Variants in LCOR observed in about 807,000 individuals in gnomAD.
LCOR encodes ligand dependent nuclear receptor corepressor.
Under a neutral mutation model 64.4 loss-of-function variants are expected in LCOR, and 14 were observed. The observed-to-expected ratio is 0.22, with a 90% CI of 0.14 to 0.34. The LOEUF (loss-of-function observed/expected upper bound fraction) is 0.34, where lower values mean the gene tolerates loss of function less well. Among genes scored for constraint, LCOR ranks in the 10% least tolerant of loss-of-function variants. The pLI is 1.00. For missense variants in LCOR, 1,686 were observed against 1,765.3 expected, an observed-to-expected ratio of 0.96 and a Z score of 0.80; for synonymous variants, 643 against 642.5, an observed-to-expected ratio of 1.00 and a Z score of -0.01.
chr10:96,914,074 C>G (rs972030559), intron 4 of LCOR, among the ~76,000 whole-genome samples: 3 of 152,150 alleles, frequency 2.0e-5, no homozygotes, highest in African/African-American at 7.2e-5. Context: ...CCAGCTAGCT[C>G]AGGAGTCATG....
chr10:96,974,177 C>A (rs903805669), intron 7 of LCOR, among the ~76,000 whole-genome samples: 2 of 152,206 alleles, frequency 1.3e-5, no homozygotes, highest in African/African-American at 4.8e-5. Flanking sequence ...TTACCACACC[C>A]TTAACAATTG....
Position 96,982,195 on chromosome 10 carries a change from G to A in LCOR, c.1735G>A (p.Gly579Ser). ...GGAAATCACCTCTCACGAGGAAGGA[G>A]GTGGAGACGTTTCACCTCGAAAAGA... ...SKEITSHEEGGGDVSPRKEPQ... is the reference protein window; with the variant it reads ...SKEITSHEEGSGDVSPRKEPQ... The change falls in exon 8 of 8, where the codon GGT (glycine) becomes AGT (serine). Residue 579 changes from glycine to serine, a missense_variant. By Grantham distance (56) the Gly-to-Ser change is moderately conservative. This residue lies in a region of LCOR where 1,293 missense variants were observed against 1,410.4 expected (regional missense o/e 0.92). Transcript: ENST00000421806. 8.1e-6 allele frequency: 13 copies of A among 1,614,188 alleles called. No individual in the cohort carries two copies. Among genetic ancestry groups the A allele is most frequent in the Non-Finnish European group, 1.1e-5 (13 of 1,180,014 alleles).
At chr10:96,974,891 G>A (rs896146946) in intron 7 of LCOR, among the ~76,000 whole-genome samples, 1 of 152,142 alleles carries the variant, frequency 6.6e-6, no homozygotes, top group South Asian at 2.1e-4. Flanking sequence ...GCTATTGGCC[G>A]GGTGCTGTGG....
At chr10:96,839,032 G>T (rs918154006) in intron 2 of LCOR, among the ~76,000 whole-genome samples, 3 of 152,088 alleles carry the variant, frequency 2.0e-5, no homozygotes, top group Non-Finnish European at 4.4e-5. Context: ...TGGGTATGAA[G>T]TCGTATTTCA....
rs375717995 is a variant in LCOR, at chr10:96,993,836, T to C, written c.*8702T>C. 2 of 151,718 alleles carry C rather than the reference T, an allele frequency of 1.3e-5. No individual in the cohort carries two copies. The highest frequency in any genetic ancestry group is 1.9e-4 in the East Asian group (1 of 5,188). The allele number at this position is 151,718 out of a possible 1,614,324, so 9.4% of individuals were successfully genotyped here. A position where few individuals can be genotyped will look rare whatever the true frequency, so the allele number is the denominator to read the frequency against. ...CAGATCTGCAGAGCAGATTTCCAGA[T>C]GTTCTTTCTGATGTGTTGCCCATAA... On this transcript the variant is annotated 3_prime_UTR_variant, in exon 8 of 8. Transcript: ENST00000421806.
chr10:96,990,808 A>C lies in LCOR; in HGVS notation c.*5674A>C, dbSNP rs1489423082. ...GTGCTCAGGAGATGTCCTTTGCTCCATCCTTCAGAGGGGCAGTTGTGTAGT... is the reference window on the plus strand; with the variant it reads ...GTGCTCAGGAGATGTCCTTTGCTCCCTCCTTCAGAGGGGCAGTTGTGTAGT... On this transcript the variant is annotated 3_prime_UTR_variant, in exon 8 of 8. Coordinates refer to ENST00000421806, the MANE Select transcript of LCOR (RefSeq NM_001346516.2). 6 of 152,120 alleles carry C rather than the reference A, an allele frequency of 3.9e-5. No individual in the cohort carries two copies. Among genetic ancestry groups the C allele is most frequent in the African/African-American group, 1.4e-4 (6 of 41,404 alleles). The allele number at this position is 152,120 out of a possible 1,614,324, so 9.4% of individuals were successfully genotyped here.
chr10:96,952,255 A>G (rs1238562081), intron 7 of LCOR, 59 bp downstream of exon 7: 1 of 1,150,930 alleles, frequency 8.7e-7, no homozygotes, highest in Admixed American at 1.9e-5. Context: ...TCAAAGGTTG[A>G]TGCCAGTCTC....
At chr10:96,886,246 A>T (rs1012707834) in intron 2 of LCOR, among the ~76,000 whole-genome samples, 1 of 152,194 alleles carries the variant, frequency 6.6e-6, no homozygotes, top group Admixed American at 6.5e-5. Flanking sequence ...GAACTTTAGT[A>T]ATCAGTTCAT....
At chr10:96,936,943 A>G (rs561474750) in intron 4 of LCOR, among the ~76,000 whole-genome samples, 2 of 152,392 alleles carry the variant, frequency 1.3e-5, no homozygotes, top group East Asian at 1.9e-4. Flanking sequence ...ATATACTATA[A>G]CAAAAGTTAT....
intron 2 of LCOR, among the ~76,000 whole-genome samples, chr10:96,838,164 A>G (rs1845478800): frequency 6.6e-6 from 1 of 152,230 alleles, no homozygotes; most frequent in South Asian, 2.1e-4. Flanking sequence ...AGTGGTCCAT[A>G]CCTTGAATTT....
intron 2 of LCOR, among the ~76,000 whole-genome samples, chr10:96,868,533 G>A (rs145202931): frequency 0.034 from 5,134 of 149,528 alleles, 295 homozygotes; most frequent in African/African-American, 0.12. Context: ...CTCGGCCTCC[G>A]AAAGTGCTGG....
At chr10:96,882,894 G>C (rs1846285966) in intron 2 of LCOR, among the ~76,000 whole-genome samples, 1 of 152,064 alleles carries the variant, frequency 6.6e-6, no homozygotes, top group South Asian at 2.1e-4. Flanking sequence ...ATTACTCCAT[G>C]TCTCTTTATG....
At chr10:96,844,273 C>T (rs1158068306) in intron 2 of LCOR, among the ~76,000 whole-genome samples, 2 of 151,502 alleles carry the variant, frequency 1.3e-5, no homozygotes. Context: ...GCCTTAGCCT[C>T]CCTAGTAGCT....
chr10:96,957,742 A>G, intron 7 of LCOR: 1 of 985,418 alleles, frequency 1.0e-6, no homozygotes, highest in Non-Finnish European at 1.2e-6. Flanking sequence ...TGTGTGTTCA[A>G]AGGTTAGGCA....
intron 2 of LCOR, among the ~76,000 whole-genome samples, chr10:96,884,984 C>T (rs1846318839): frequency 6.6e-6 from 1 of 152,130 alleles, no homozygotes; most frequent in Non-Finnish European, 1.5e-5. Context: ...TATACGTGTG[C>T]ACTTATCACA....
At chr10:96,845,382 G>T (rs767404287) in intron 2 of LCOR, among the ~76,000 whole-genome samples, 8 of 142,776 alleles carry the variant, frequency 5.6e-5, no homozygotes, top group Non-Finnish European at 9.0e-5. Context: ...TGTGTGTTAG[G>T]TTATGTGAAT....
rs57814101 is a variant in LCOR, at chr10:96,865,874, C to CAAA, written c.-330+32412_-330+32414dup. 5.0e-3 allele frequency among the ~76,000 whole-genome samples: 446 copies of CAAA among 88,952 alleles called. 4 individuals are homozygous for CAAA. Among genetic ancestry groups the CAAA allele is most frequent in the African/African-American group, 0.014 (404 of 28,382 alleles). The allele number at this position is 88,952 out of a possible 152,430, so 58.4% of individuals were successfully genotyped here. A position where few individuals can be genotyped will look rare whatever the true frequency, so the allele number is the denominator to read the frequency against. On this transcript the variant is annotated intron_variant, in intron 2 of 7. Coordinates refer to ENST00000421806, the MANE Select transcript of LCOR (RefSeq NM_001346516.2). ...GGGCAACAAGAGCGAGACTCTGTCT[C>CAAA]AAAAAAAAAAAAAAAAAAAGGAAAA...
At chr10:96,912,181 G>A (rs538953331) in intron 4 of LCOR, among the ~76,000 whole-genome samples, 75 of 152,110 alleles carry the variant, frequency 4.9e-4, no homozygotes, top group African/African-American at 9.9e-4. Context: ...CAATCCACCC[G>A]CCTCGGCCTC....
At chr10:96,866,969 G>GT (rs1472931746) in intron 2 of LCOR, among the ~76,000 whole-genome samples, 1 of 151,956 alleles carries the variant, frequency 6.6e-6, no homozygotes, top group East Asian at 1.9e-4. Flanking sequence ...CAGATTTTTC[G>GT]TATTTGTCAG....
Sources: allele counts gnomAD v4.1 joint callset (sites outside exome capture counted in the v4.1 genomes callset), GRCh38; gene constraint gnomAD v4.1.1; regional missense constraint gnomAD v4.1.1; transcripts MANE v1.5; gene names NCBI Gene and HGNC (gene_info 2026-07-23, HGNC 2026-07-21).